The following SHROOM2 variants were observed in gnomAD, a reference collection of about 807,000 sequenced individuals.
SHROOM2 encodes the protein protein Shroom2.
SHROOM2 carries 33 observed loss-of-function variants against 75.9 expected under a neutral mutation model. That is an observed-to-expected ratio of 0.43 (90% CI 0.33 to 0.58). The LOEUF is 0.58. Among genes scored for constraint, SHROOM2 ranks in the 20% least tolerant of loss-of-function variants. The pLI, the probability that SHROOM2 is intolerant of heterozygous loss-of-function variation, is 0.04. For missense variants in SHROOM2, 1,434 were observed against 1,461.2 expected (o/e 0.98, Z 0.30); for synonymous variants, 655 against 663.6 (o/e 0.99, Z 0.20).
chrX:9,810,556 G>C (rs1055935148), intron 1 of SHROOM2, among the ~76,000 whole-genome samples: 1 of 110,604 alleles, frequency 9.0e-6, no homozygotes, highest in African/African-American at 3.3e-5. Flanking sequence ...AATCATTGTT[G>C]TGTCTCCTGG....
intron 8 of SHROOM2, among the ~76,000 whole-genome samples, chrX:9,942,324 TCACTTCTGCAGCAGA>T (rs938925669): frequency 1.8e-5 from 2 of 111,470 alleles, no homozygotes; most frequent in Non-Finnish European, 3.8e-5. Context: ...CAGCGAGCAG[TCACTTCTGCAGCAGA>T]CACCAGCTGG....
intron 1 of SHROOM2, among the ~76,000 whole-genome samples, chrX:9,862,691 C>T (rs2084111257): frequency 1.8e-5 from 2 of 112,028 alleles, no homozygotes; most frequent in Admixed American, 1.9e-4. Flanking sequence ...CCACCGCCCG[C>T]GTGCCTCCAC....
In SHROOM2 at chrX:9,861,836, C is replaced by T. The variant is rs969278118; in HGVS notation, c.166-11816C>T. 3.6e-5 allele frequency among the ~76,000 whole-genome samples: 4 copies of T among 111,197 alleles called. No individual in the cohort carries two copies. In the Admixed American group the frequency reaches 3.8e-4, roughly 11 times the overall value. ...CCAGATCATTCCTCATCTTTTGAAACGCTCCGTGCCCCCACCCTCTGATGT... is the reference window on the plus strand; with the variant it reads ...CCAGATCATTCCTCATCTTTTGAAATGCTCCGTGCCCCCACCCTCTGATGT... On this transcript the variant is annotated intron_variant, in intron 1 of 9. Coordinates refer to ENST00000380913, the MANE Select transcript of SHROOM2 (RefSeq NM_001649.4).
intron 9 of SHROOM2, among the ~76,000 whole-genome samples, chrX:9,946,358 G>A (rs1201602777): frequency 2.7e-5 from 3 of 113,064 alleles, no homozygotes; most frequent in Non-Finnish European, 5.6e-5. Flanking sequence ...GTCGTTGTGA[G>A]TCCCTTGGTG....
intron 1 of SHROOM2, among the ~76,000 whole-genome samples, chrX:9,828,882 G>C (rs750137761): frequency 8.9e-6 from 1 of 112,420 alleles, no homozygotes; most frequent in Admixed American, 9.4e-5. Context: ...AGGGTGTAGC[G>C]TAAGGACCAT....
intron 8 of SHROOM2, 104 bp from the exon 9 acceptor site, chrX:9,944,537 C>T: frequency 2.3e-6 from 2 of 854,069 alleles, no homozygotes; most frequent in Non-Finnish European, 3.2e-6. Flanking sequence ...AGGTCAGCTG[C>T]ACCTTTCACG....
chrX:9,920,988 G>A (rs939019363), intron 5 of SHROOM2, among the ~76,000 whole-genome samples: 2 of 112,225 alleles, frequency 1.8e-5, no homozygotes, highest in African/African-American at 3.2e-5. Flanking sequence ...GAGATTAGCT[G>A]GGTTATTGTG....
chrX:9,788,055 T>TGCTG (rs1311938582), intron 1 of SHROOM2, among the ~76,000 whole-genome samples: 2 of 107,434 alleles, frequency 1.9e-5, no homozygotes, highest in Non-Finnish European at 3.8e-5. Flanking sequence ...ACCACAGATG[T>TGCTG]GCGCCACCAT....
intron 1 of SHROOM2, among the ~76,000 whole-genome samples, chrX:9,808,599 C>T (rs182803444): frequency 8.7e-4 from 96 of 110,109 alleles, no homozygotes; most frequent in Middle Eastern, 4.7e-3. Flanking sequence ...CAGTGGTTCA[C>T]GCCTGTAATC....
intron 5 of SHROOM2, among the ~76,000 whole-genome samples, chrX:9,919,668 T>C (rs2084524955): frequency 9.0e-6 from 1 of 110,577 alleles, no homozygotes; most frequent in Non-Finnish European, 1.9e-5. Flanking sequence ...AATGGCTTCC[T>C]TGGGGAGGGT....
At chrX:9,902,515 G>A (rs868525172) in intron 5 of SHROOM2, among the ~76,000 whole-genome samples, 1 of 112,273 alleles carries the variant, frequency 8.9e-6, no homozygotes, top group African/African-American at 3.2e-5. Flanking sequence ...GGTACATTGT[G>A]TGTCCTAAAA....
intron 5 of SHROOM2, among the ~76,000 whole-genome samples, chrX:9,925,959 G>C (rs2084590018): frequency 9.0e-6 from 1 of 111,293 alleles, no homozygotes; most frequent in Non-Finnish European, 1.9e-5. Context: ...TGGGTGTGTT[G>C]CATGGTGTTA....
Position 9,926,503 on chromosome X carries a change from C to T in SHROOM2, c.2892-5672C>T, listed in dbSNP as rs145689082. Among the ~76,000 whole-genome samples the T allele has an allele frequency of 5.6e-3, 623 of 111,314 alleles. 2 individuals are homozygous for T. Among genetic ancestry groups the T allele is most frequent in the African/African-American group, 0.019 (595 of 30,649 alleles). ...GAGGCGGGTGTTCTGGTGCCATTGC[C>T]GTGCTGCTTACTTACCCTGGACACA... is the stretch of plus-strand genomic sequence containing the variant. On this transcript the variant is annotated intron_variant, in intron 5 of 9. Coordinates refer to ENST00000380913, the MANE Select transcript of SHROOM2 (RefSeq NM_001649.4).
At chrX:9,868,284 C>T (rs921259328) in intron 1 of SHROOM2, among the ~76,000 whole-genome samples, 4 of 109,456 alleles carry the variant, frequency 3.7e-5, no homozygotes, top group Non-Finnish European at 7.6e-5. Flanking sequence ...CTCACGCTGT[C>T]GCCCAGGCTG....
At chrX:9,863,676 T>G in intron 1 of SHROOM2, among the ~76,000 whole-genome samples, 1 of 109,742 alleles carries the variant, frequency 9.1e-6, no homozygotes, top group Non-Finnish European at 1.9e-5. Context: ...AGGAGTGCAG[T>G]AGCTCTTCAG....
At chrX:9,943,364 G>A (rs1026543047) in intron 8 of SHROOM2, among the ~76,000 whole-genome samples, 25 of 111,605 alleles carry the variant, frequency 2.2e-4, no homozygotes, top group African/African-American at 3.6e-4. Context: ...ATGCTCATCC[G>A]GCTGGTCATT....
At chrX:9,795,012 G>A (rs1423471354) in intron 1 of SHROOM2, among the ~76,000 whole-genome samples, 1 of 112,429 alleles carries the variant, frequency 8.9e-6, no homozygotes, top group Non-Finnish European at 1.9e-5. Flanking sequence ...CCACTCTGCT[G>A]TTGTGCAGTA....
At chrX:9,876,828 G>A (rs1245385610) in intron 2 of SHROOM2, among the ~76,000 whole-genome samples, 1 of 112,341 alleles carries the variant, frequency 8.9e-6, no homozygotes, top group East Asian at 2.8e-4. Flanking sequence ...GTTAAAGACA[G>A]GTTCCTGCTC....
At chrX:9,900,498 G>A (rs745887507) in intron 5 of SHROOM2, among the ~76,000 whole-genome samples, 2 of 112,169 alleles carry the variant, frequency 1.8e-5, no homozygotes, top group African/African-American at 3.2e-5. Flanking sequence ...GATAATCGAT[G>A]CGTAGCAAAA....
Sources: allele counts gnomAD v4.1 joint callset (sites outside exome capture counted in the v4.1 genomes callset), GRCh38; gene constraint gnomAD v4.1.1; transcripts MANE v1.5; gene names NCBI Gene and HGNC (gene_info 2026-07-23, HGNC 2026-07-21).